Variants in LPIN1 observed in about 807,000 individuals in gnomAD.
LPIN1 encodes phosphatidate phosphatase LPIN1.
In LPIN1, 71 loss-of-function variants were observed where a neutral mutation model predicts 107.5. That is an observed-to-expected ratio of 0.66 (90% confidence interval 0.55 to 0.80). The LOEUF (loss-of-function observed/expected upper bound fraction) is 0.80. LPIN1 is among the 30% of genes least tolerant of loss of function. The pLI is 0.00. For synonymous variants in LPIN1, 445 were observed against 452.6 expected (o/e 0.98, Z 0.21); for missense variants, 1,043 against 1,160.6 (o/e 0.90, Z 1.47).
At chr2:11,703,589 C>A (rs1662988886) in intron 1 of LPIN1, among the ~76,000 whole-genome samples, 1 of 152,170 alleles carries the variant, frequency 6.6e-6, no homozygotes, top group South Asian at 2.1e-4. Context: ...AACATACACA[C>A]AAACGGGCAC....
At chr2:11,733,087 C>A (rs1376742890) in intron 1 of LPIN1, among the ~76,000 whole-genome samples, 2 of 152,074 alleles carry the variant, frequency 1.3e-5, no homozygotes, top group South Asian at 2.1e-4. Flanking sequence ...TTCCCACTCC[C>A]CAGAAATGTT....
In LPIN1 at chr2:11,787,377, G is replaced by GTTTTC. The variant is rs1011317478; in HGVS notation, c.1643+225_1643+229dup. On this transcript the variant is annotated intron_variant, in intron 11 of 20. Coordinates refer to ENST00000674199, the MANE Select transcript of LPIN1 (RefSeq NM_001349206.2). ...GTTCAGATAGCTCTCAGTCTTGTGA[G>GTTTTC]TTTTCTTTTCTTTTCTTTTTCTTTT... Among the ~76,000 whole-genome samples, 3 of 124,418 alleles carry GTTTTC rather than the reference G, an allele frequency of 2.4e-5. No homozygotes were observed. The South Asian group carries it at 7.7e-4, about 32-fold the overall frequency. 81.6% of individuals were successfully genotyped at this position (124,418 alleles called of 152,430 possible).
intron 6 of LPIN1, among the ~76,000 whole-genome samples, chr2:11,777,978 G>A (rs181324832): frequency 4.6e-5 from 7 of 152,098 alleles, no homozygotes; most frequent in African/African-American, 1.4e-4. Context: ...GAGGCCCCTC[G>A]CTGGAGGCCA....
intron 9 of LPIN1, 108 bp downstream of exon 9, chr2:11,784,030 C>G: frequency 2.5e-6 from 4 of 1,578,390 alleles, no homozygotes; most frequent in Non-Finnish European, 2.6e-6. Flanking sequence ...GACAGCTGGG[C>G]GCGGTGGCTC....
chr2:11,698,586 A>G (rs1662706983), intron 1 of LPIN1, among the ~76,000 whole-genome samples: 1 of 152,200 alleles, frequency 6.6e-6, no homozygotes, highest in Admixed American at 6.5e-5. Flanking sequence ...ATTGCCCGAC[A>G]CCATGCCTCT....
At chr2:11,797,108 A>G (rs1051507802) in intron 14 of LPIN1, among the ~76,000 whole-genome samples, 4 of 152,234 alleles carry the variant, frequency 2.6e-5, no homozygotes, top group African/African-American at 9.6e-5. Context: ...TTAAATAGCT[A>G]CACTAGAAAT....
intron 17 of LPIN1, chr2:11,805,462 C>CA: frequency 2.0e-6 from 1 of 492,746 alleles, no homozygotes. Context: ...CGAGGGATGG[C>CA]AGAGGTAGCC....
In LPIN1 at chr2:11,707,753, A is replaced by C. The variant is rs989660268; in HGVS notation, c.82-6003A>C. On this transcript the variant is annotated intron_variant, in intron 1 of 21. Coordinates refer to the LPIN1 transcript ENST00000449576. The surrounding 1 kb of genome is among the most constrained non-coding windows in gnomAD (Gnocchi z 4.2). ...AAAGGGAGTGGCTGGGGCCTGTCCC[A>C]ACCAAGCGCTGCTGCTTCTGTGAGC... Among the ~76,000 whole-genome samples the C allele has an allele frequency of 6.6e-6, 1 of 152,122 alleles. No individual in the cohort carries two copies. Among genetic ancestry groups the C allele is most frequent in the Non-Finnish European group, 1.5e-5 (1 of 67,982 alleles).
intron 1 of LPIN1, among the ~76,000 whole-genome samples, chr2:11,698,439 G>A (rs1207798824): frequency 6.6e-6 from 1 of 152,224 alleles, no homozygotes; most frequent in Non-Finnish European, 1.5e-5. Context: ...GCACACAGTA[G>A]CAGGGACAAC....
intron 1 of LPIN1, among the ~76,000 whole-genome samples, chr2:11,739,322 C>T (rs567491007): frequency 2.6e-5 from 4 of 152,328 alleles, no homozygotes; most frequent in African/African-American, 7.2e-5. Context: ...TGCGACCTCA[C>T]GAGAGAGCTT....
chr2:11,778,947 T>G (rs544944508), intron 6 of LPIN1, among the ~76,000 whole-genome samples: 1 of 152,256 alleles, frequency 6.6e-6, no homozygotes, highest in African/African-American at 2.4e-5. Flanking sequence ...TCTTAGAAAA[T>G]TTCAACTTGT....
At chr2:11,755,824 C>T (rs1055583716) in intron 1 of LPIN1, among the ~76,000 whole-genome samples, 14 of 151,584 alleles carry the variant, frequency 9.2e-5, no homozygotes, top group Admixed American at 7.2e-4. Context: ...TGGGTTCAAG[C>T]GACTCTCCTG....
At position 11,749,856 on chromosome 2, in the gene LPIN1, C is replaced by T. The variant is rs1667522093; in HGVS notation, c.-10+3185C>T. Among the ~76,000 whole-genome samples, 3 of 152,350 alleles carry T rather than the reference C, an allele frequency of 2.0e-5. No individual in the cohort carries two copies. The South Asian group carries it at 6.2e-4, about 32-fold the overall frequency. On this transcript the variant is annotated intron_variant, in intron 1 of 20. Transcript: ENST00000674199. ...ACAGTGGATTTTTCAACCCACTGAC[C>T]AAATGTTGTGATTCTTGCAACAACT...
Position 11,753,395 on chromosome 2 carries a change from C to T in LPIN1, c.-10+6724C>T, listed in dbSNP as rs991935208. ...GGAATGTCTCACGAACCCTGGCATG[C>T]CAAGAAAGTCCCCAATTTCCCAGCA... On this transcript the variant is annotated intron_variant, in intron 1 of 20. Transcript: ENST00000674199. Among the ~76,000 whole-genome samples the T allele has an allele frequency of 2.6e-5, 4 of 152,180 alleles. No individual in the cohort carries two copies. In the East Asian group the frequency reaches 7.7e-4, roughly 29 times the overall value.
chr2:11,791,967 G>C lies in LPIN1; in HGVS notation c.1767G>C (p.Trp589Cys), dbSNP rs765615003. ...AAATGCCCAAAAAGGGAGGAAGATG[G>C]TGGTTTTCATGGAGGGGAAGAAACA... Reference protein sequence around the residue: ...RDKMPKKGGRWWFSWRGRNTT... With the variant: ...RDKMPKKGGRCWFSWRGRNTT... The change falls in exon 13 of 21, where the codon TGG becomes TGC. Residue 589 changes from tryptophan (W) to cysteine (C), a missense_variant. Coordinates refer to ENST00000674199, the MANE Select transcript of LPIN1 (RefSeq NM_001349206.2). 2.5e-6 allele frequency: 4 copies of C among 1,614,032 alleles called. No homozygotes were observed. Among genetic ancestry groups the C allele is most frequent in the Middle Eastern group, 1.6e-4 (1 of 6,062 alleles).
intron 9 of LPIN1, 31 bp from the exon 10 acceptor site, chr2:11,784,855 A>C (rs368523661): frequency 3.2e-5 from 51 of 1,611,332 alleles, no homozygotes; most frequent in Non-Finnish European, 4.1e-5. Flanking sequence ...GACAGTCCTC[A>C]GCCGGTCTCT....
At chr2:11,807,647 G>GA (rs1302238151) in intron 17 of LPIN1, among the ~76,000 whole-genome samples, 1 of 152,066 alleles carries the variant, frequency 6.6e-6, no homozygotes, top group Non-Finnish European at 1.5e-5. Context: ...TAGAATGAGT[G>GA]AAACCTGTTT....
At chr2:11,814,637 G>T (rs1367691740) in intron 17 of LPIN1, among the ~76,000 whole-genome samples, 1 of 151,924 alleles carries the variant, frequency 6.6e-6, no homozygotes, top group Non-Finnish European at 1.5e-5. Context: ...AAGAGAGGAG[G>T]AATTTGATGG....
intron 1 of LPIN1, among the ~76,000 whole-genome samples, chr2:11,694,436 G>A (rs558496773): frequency 2.6e-5 from 4 of 152,280 alleles, no homozygotes; most frequent in East Asian, 1.9e-4. Flanking sequence ...TCTTGGTAAA[G>A]CTCCTCTGAC....
Sources: gnomAD v4.1 joint callset for allele counts (sites outside exome capture counted in the v4.1 genomes callset) on GRCh38, gnomAD v4.1.1 for gene constraint, Gnocchi (gnomAD v3.1) non-coding constraint, MANE v1.5 for transcripts, NCBI Gene and HGNC (gene_info 2026-07-23, HGNC 2026-07-21) for gene names.